The following MYL4 variants were observed in gnomAD, a reference collection of about 807,000 sequenced individuals.
MYL4 encodes the protein atrial myosin light chain 1.
MYL4 carries 16 observed loss-of-function variants against 21.6 expected under a neutral mutation model. The observed-to-expected ratio is 0.74, with a 90% CI of 0.50 to 1.12. MYL4 has a LOEUF of 1.12. Among genes scored for constraint, MYL4 ranks in the 50% most tolerant of loss-of-function variants. The pLI, the probability that MYL4 is intolerant of heterozygous loss-of-function variation, is 0.00. For synonymous variants in MYL4, 82 were observed against 95.7 expected, an observed-to-expected ratio of 0.86 and a Z score of 0.83; for missense variants, 249 against 252.9, an observed-to-expected ratio of 0.98 and a Z score of 0.11.
intron 1 of MYL4, among the ~76,000 whole-genome samples, chr17:47,211,953 G>A (rs2064778955): frequency 6.6e-6 from 1 of 152,164 alleles, no homozygotes; most frequent in Admixed American, 6.6e-5. Flanking sequence ...GGCTGGGTGT[G>A]GTGGCTCACG....
the MYL4 span, among the ~76,000 whole-genome samples, chr17:47,189,952 A>C: frequency 1.3e-5 from 2 of 152,100 alleles, no homozygotes; most frequent in Non-Finnish European, 2.9e-5. Flanking sequence ...AATTGTGATA[A>C]GATAAGGAAA....
At chr17:47,211,763 G>A (rs1287148670) in intron 1 of MYL4, among the ~76,000 whole-genome samples, 2 of 151,964 alleles carry the variant, frequency 1.3e-5, no homozygotes, top group African/African-American at 2.4e-5. Flanking sequence ...TCGGAGATGA[G>A]ACAGGATGGG....
At chr17:47,196,773 G>T (rs72823446), upstream of MYL4, among the ~76,000 whole-genome samples, 6 of 151,974 alleles carry the variant, frequency 3.9e-5, no homozygotes, top group Non-Finnish European at 8.8e-5. Context: ...AATTTTAATC[G>T]TATTTGTTTA....
At chr17:47,223,344 A>G (rs920317158) in intron 6 of MYL4, 165 bp from the exon 7 acceptor site, 2 of 396,742 alleles carry the variant, frequency 5.0e-6, no homozygotes, top group African/African-American at 2.0e-5. Flanking sequence ...GGCTCCTGGG[A>G]GTGAGAAAGC....
upstream of MYL4, among the ~76,000 whole-genome samples, chr17:47,208,139 G>A (rs2064741486): frequency 6.6e-6 from 1 of 152,158 alleles, no homozygotes; most frequent in Non-Finnish European, 1.5e-5. Context: ...ACCTGGCCTG[G>A]CGTGGCGGCT....
chr17:47,206,948 C>T (rs908544904), upstream of MYL4, among the ~76,000 whole-genome samples: 6 of 152,172 alleles, frequency 3.9e-5, no homozygotes, highest in South Asian at 4.1e-4. Context: ...TCTCTTTCCT[C>T]GTCACCAACA....
chr17:47,208,626 A>G (rs893847629), upstream of MYL4, among the ~76,000 whole-genome samples: 2 of 151,712 alleles, frequency 1.3e-5, no homozygotes, highest in African/African-American at 4.8e-5. Context: ...TGAAAACTAA[A>G]CCCCAAGTTT....
intron 1 of MYL4, among the ~76,000 whole-genome samples, chr17:47,202,166 A>G (rs748443111): frequency 1.3e-5 from 2 of 151,974 alleles, no homozygotes; most frequent in Non-Finnish European, 2.9e-5. Context: ...TTGTATTTTT[A>G]GTAGAGAAGG....
chr17:47,223,218 T>C (rs1435205233), intron 6 of MYL4, 161 bp downstream of exon 6: 4 of 678,086 alleles, frequency 5.9e-6, no homozygotes, highest in Non-Finnish European at 1.0e-5. Context: ...CCATCTCCTG[T>C]CTCCTGCCTG....
chr17:47,202,111 G>C (rs965337828), intron 1 of MYL4, among the ~76,000 whole-genome samples: 1 of 151,882 alleles, frequency 6.6e-6, no homozygotes, highest in Non-Finnish European at 1.5e-5. Flanking sequence ...TCAGCCTCCC[G>C]AGTAGCTGGG....
At chr17:47,210,284 A>T (rs1598651717) in intron 1 of MYL4, among the ~76,000 whole-genome samples, 1 of 151,812 alleles carries the variant, frequency 6.6e-6, no homozygotes, top group Non-Finnish European at 1.5e-5. Flanking sequence ...CACACAAAAC[A>T]TTCCTCTCCC....
At chr17:47,217,042 C>T (rs1305816030) in intron 2 of MYL4, among the ~76,000 whole-genome samples, 1 of 152,136 alleles carries the variant, frequency 6.6e-6, no homozygotes. Flanking sequence ...TTAAACTTGA[C>T]CTCACTCTTC....
At chr17:47,203,847 A>G (rs2064717891) in intron 1 of MYL4, among the ~76,000 whole-genome samples, 1 of 152,178 alleles carries the variant, frequency 6.6e-6, no homozygotes, top group Admixed American at 6.5e-5. Flanking sequence ...TTGGCTCCCA[A>G]ACTCCCAAGT....
chr17:47,224,459 C>G (rs2064877696), downstream of MYL4, among the ~76,000 whole-genome samples: 1 of 152,146 alleles, frequency 6.6e-6, no homozygotes, highest in Non-Finnish European at 1.5e-5. Flanking sequence ...ACAGCCAAAC[C>G]ATATCAGTAA....
chr17:47,223,277 C>T (rs1039078542), intron 6 of MYL4: 3 of 550,218 alleles, frequency 5.5e-6, no homozygotes, highest in Non-Finnish European at 9.7e-6. Context: ...ATCCTCTTGC[C>T]TCTCCCAGGA....
chr17:47,194,672 T>G, the MYL4 span, among the ~76,000 whole-genome samples: 1 of 151,380 alleles, frequency 6.6e-6, no homozygotes, highest in Non-Finnish European at 1.5e-5. Context: ...ACCCCCCAAA[T>G]TCAGGACTTA....
In MYL4 at chr17:47,221,858, A is replaced by G; in HGVS notation, c.487+3A>G. On this transcript the variant is annotated splice_donor_region_variant and intron_variant, in intron 4 of 6. Transcript: ENST00000393450. Reference sequence around the variant, plus strand: ...TCGGCACGTCCTTGCCACCCTGGGTATGCCAGCTGGGCAGAGATGAAGACC... The same window carrying G: ...TCGGCACGTCCTTGCCACCCTGGGTGTGCCAGCTGGGCAGAGATGAAGACC... 2 of 1,611,538 alleles carry G rather than the reference A, an allele frequency of 1.2e-6. No homozygotes were observed. Among genetic ancestry groups the G allele is most frequent in the East Asian group, 2.2e-5 (1 of 44,802 alleles).
intron 2 of MYL4, among the ~76,000 whole-genome samples, chr17:47,218,052 A>C (rs59581991): frequency 0.084 from 12,789 of 151,740 alleles, 647 homozygotes; most frequent in African/African-American, 0.12. Flanking sequence ...AAAAAAAAAA[A>C]AAAAACAAAA....
chr17:47,197,723 T>A (rs765408202), upstream of MYL4, among the ~76,000 whole-genome samples: 3 of 152,218 alleles, frequency 2.0e-5, no homozygotes, highest in East Asian at 3.8e-4. Flanking sequence ...TTAGATAGCT[T>A]TGCCCAACTG....
Sources: gnomAD v4.1 joint callset for allele counts (sites outside exome capture counted in the v4.1 genomes callset) on GRCh38, gnomAD v4.1.1 for gene constraint, MANE v1.5 for transcripts, NCBI Gene and HGNC (gene_info 2026-07-23, HGNC 2026-07-21) for gene names.